Variants in OTULIN observed in about 807,000 individuals in gnomAD.
OTULIN encodes the protein ubiquitin thioesterase otulin.
A neutral mutation model predicts 39.6 loss-of-function variants in OTULIN; 15 were observed. The observed-to-expected ratio is 0.38, with a 90% confidence interval of 0.25 to 0.58. OTULIN has a LOEUF of 0.58. Ranked by LOEUF, OTULIN falls within the 20% of genes least tolerant of loss-of-function variation. The pLI, the probability that OTULIN is intolerant of heterozygous loss-of-function variation, is 0.66. For synonymous variants in OTULIN, 156 were observed against 170.3 expected (o/e 0.92, Z 0.65); for missense variants, 319 against 445.9 (o/e 0.72, Z 2.56).
downstream of OTULIN, among the ~76,000 whole-genome samples, chr5:14,702,277 G>A (rs985618611): frequency 6.6e-6 from 1 of 152,132 alleles, no homozygotes; most frequent in African/African-American, 2.4e-5. Context: ...TACAGGGATG[G>A]GCTGAAGGCC....
intron 4 of OTULIN, 155 bp downstream of exon 4, chr5:14,681,762 A>AT: frequency 1.2e-6 from 1 of 839,306 alleles, no homozygotes. Flanking sequence ...GATTTCACAT[A>AT]GTTAAATGAC....
At chr5:14,670,589 T>C (rs6884420) in intron 1 of OTULIN, among the ~76,000 whole-genome samples, 15,516 of 152,170 alleles carry the variant, frequency 0.1, 883 homozygotes, top group African/African-American at 0.16. Flanking sequence ...TCTTCGGGAT[T>C]ATTTTTTAAA....
rs541462203 is a variant in OTULIN at position 14,693,618 on chromosome 5, A to T, written c.*570A>T. The T allele has an allele frequency of 6.6e-6, 1 of 152,386 alleles. No individual in the cohort carries two copies. Among genetic ancestry groups the T allele is most frequent in the South Asian group, 2.1e-4 (1 of 4,830 alleles). The allele number at this position is 152,386 out of a possible 1,614,324, so 9.4% of individuals were successfully genotyped here. On this transcript the variant is annotated 3_prime_UTR_variant, in exon 7 of 7. Coordinates refer to ENST00000284274, the MANE Select transcript of OTULIN (RefSeq NM_138348.6). Reference sequence around the variant, plus strand: ...GGCATAGTCATGACAACCTCTGGTAATCTTACCTTCTCCTTTTTATGAAGG... The same window carrying T: ...GGCATAGTCATGACAACCTCTGGTATTCTTACCTTCTCCTTTTTATGAAGG...
chr5:14,703,412 G>A (rs1051164066), downstream of OTULIN, among the ~76,000 whole-genome samples: 3 of 148,612 alleles, frequency 2.0e-5, no homozygotes, highest in Admixed American at 6.7e-5. Context: ...AATTCTCCAC[G>A]ATTTTTCTCC....
rs753500942 is a variant in OTULIN, at chr5:14,681,499, A to G, written c.360A>G (p.Ile120Met). 1 of 1,613,652 alleles carries G rather than the reference A, an allele frequency of 6.2e-7. No individual in the cohort carries two copies. Residue 120 changes from isoleucine to methionine, a missense_variant, in exon 4 of 7, where the codon ATA (isoleucine) becomes ATG (methionine). By Grantham distance (10) the Ile-to-Met change is conservative (BLOSUM62 1). This residue lies in a region of OTULIN where 27 missense variants were observed against 58.8 expected (regional missense o/e 0.46). Transcript: ENST00000284274. The stretch of plus-strand genomic sequence containing the variant: ...AGGTTTCTCAGAAGTTCACCTCCAT[A>G]CGGCGAGTCCGTGGTGATAATTACT... ...YEEVSQKFTSIRRVRGDNYCA... is the reference protein window; with the variant it reads ...YEEVSQKFTSMRRVRGDNYCA...
the OTULIN span, chr5:14,706,738 G>T: frequency 6.6e-6 from 1 of 152,200 alleles, no homozygotes; most frequent in Non-Finnish European, 1.5e-5. Context: ...TAGATCAGTT[G>T]ATGAGTCACA....
intron 1 of OTULIN, among the ~76,000 whole-genome samples, chr5:14,672,692 T>A (rs1736008906): frequency 6.6e-6 from 1 of 152,168 alleles, no homozygotes; most frequent in Non-Finnish European, 1.5e-5. Context: ...ACTTGATGCC[T>A]CCAGTTCCTG....
the OTULIN span, chr5:14,711,187 G>A: frequency 2.7e-5 from 44 of 1,607,334 alleles, no homozygotes; most frequent in Admixed American, 2.5e-4. Context: ...TGCCCATGGC[G>A]TCCCGTGCCT....
chr5:14,711,278 C>T, the OTULIN span: 2 of 1,614,158 alleles, frequency 1.2e-6, no homozygotes, highest in South Asian at 1.1e-5. Flanking sequence ...AGTCTTCCCC[C>T]TCCGTGGCCG....
At chr5:14,680,050 A>G (rs1248914161) in intron 3 of OTULIN, among the ~76,000 whole-genome samples, 1 of 152,142 alleles carries the variant, frequency 6.6e-6, no homozygotes, top group African/African-American at 2.4e-5. Context: ...TTTTGTTTCG[A>G]ATATTCTTTT....
chr5:14,715,168 A>G, the OTULIN span, among the ~76,000 whole-genome samples: 1 of 151,778 alleles, frequency 6.6e-6, no homozygotes, highest in Non-Finnish European at 1.5e-5. Flanking sequence ...TTTCACTCTT[A>G]TTGCAGAGGC....
the OTULIN span, chr5:14,713,732 G>A: frequency 6.2e-7 from 1 of 1,610,276 alleles, no homozygotes; most frequent in Non-Finnish European, 8.5e-7. The surrounding 1 kb of genome is among the most constrained non-coding windows in gnomAD (Gnocchi z 4.4). Context: ...TGCTGCCTCT[G>A]GACCAGGGCA....
chr5:14,703,351 A>C (rs1736849488), downstream of OTULIN, among the ~76,000 whole-genome samples: 1 of 70,440 alleles, frequency 1.4e-5, no homozygotes, highest in Non-Finnish European at 3.0e-5. Flanking sequence ...AAAAAAAAAA[A>C]AAAAAAAAAA....
At chr5:14,683,856 A>T (rs1460977917) in intron 4 of OTULIN, among the ~76,000 whole-genome samples, 1 of 152,176 alleles carries the variant, frequency 6.6e-6, no homozygotes, top group Non-Finnish European at 1.5e-5. Flanking sequence ...TAAAAAAGTT[A>T]AGTACAATGT....
chr5:14,702,255 A>C (rs1251553667), downstream of OTULIN, among the ~76,000 whole-genome samples: 3 of 152,144 alleles, frequency 2.0e-5, no homozygotes, highest in Admixed American at 6.5e-5. Flanking sequence ...TGGAAGGGGT[A>C]AGGAAAGAGT....
At chr5:14,679,780 A>G (rs968722267) in intron 3 of OTULIN, among the ~76,000 whole-genome samples, 6 of 152,342 alleles carry the variant, frequency 3.9e-5, no homozygotes, top group Admixed American at 1.3e-4. Context: ...AGAGCAGATG[A>G]TAGTTCTCTG....
At chr5:14,715,341 G>A in the OTULIN span, among the ~76,000 whole-genome samples, 7 of 152,330 alleles carry the variant, frequency 4.6e-5, no homozygotes, top group African/African-American at 1.4e-4. Flanking sequence ...ATGTTGGTGA[G>A]GCTGGTCTCG....
At chr5:14,692,293 C>T (rs1160648326) in intron 6 of OTULIN, among the ~76,000 whole-genome samples, 1 of 152,184 alleles carries the variant, frequency 6.6e-6, no homozygotes, top group Non-Finnish European at 1.5e-5. Flanking sequence ...TTAAAGTGTA[C>T]ATCTCATTGA....
At chr5:14,673,252 A>C (rs1485626232) in intron 1 of OTULIN, among the ~76,000 whole-genome samples, 1 of 152,166 alleles carries the variant, frequency 6.6e-6, no homozygotes, top group African/African-American at 2.4e-5. Context: ...TTCCTATATA[A>C]ATATTTTTAT....
Sources: allele counts gnomAD v4.1 joint callset (sites outside exome capture counted in the v4.1 genomes callset), GRCh38; gene constraint gnomAD v4.1.1; regional missense constraint gnomAD v4.1.1; non-coding constraint Gnocchi (gnomAD v3.1); transcripts MANE v1.5; gene names NCBI Gene and HGNC (gene_info 2026-07-23, HGNC 2026-07-21).